The following TMEM151B variants were observed in gnomAD, a reference collection of about 807,000 sequenced individuals.
TMEM151B encodes the protein transmembrane protein 193.
A neutral mutation model predicts 33.0 loss-of-function variants in TMEM151B; 18 were observed. The observed-to-expected ratio is 0.55, with a 90% confidence interval of 0.38 to 0.81. The LOEUF is 0.81. Ranked by LOEUF, TMEM151B falls within the 30% of genes least tolerant of loss-of-function variation. The pLI, the probability that TMEM151B is intolerant of heterozygous loss-of-function variation, is 0.00. For synonymous variants in TMEM151B, 354 were observed against 373.6 expected (o/e 0.95, Z 0.61); for missense variants, 672 against 843.4 (o/e 0.80, Z 2.52).
chr6:44,275,959 G>C lies in TMEM151B; in HGVS notation c.1133G>C (p.Arg378Pro). The change falls in exon 3 of 3, where the codon CGC (arginine) becomes CCC (proline). Residue 378 changes from arginine (R) to proline (P), a missense_variant. Arg to Pro is a moderately radical substitution (Grantham distance 103, BLOSUM62 -2). Transcript: ENST00000451188. Reference sequence around the variant, plus strand: ...AGCACGGAGCTCGAGTGGCACATCCGCTCCAACCAGCAGCTGGTGCCCAGC... The same window carrying C: ...AGCACGGAGCTCGAGTGGCACATCCCCTCCAACCAGCAGCTGGTGCCCAGC... The part of the protein sequence containing the change: ...VDSTELEWHI[R>P]SNQQLVPSYS... The C allele has an allele frequency of 6.8e-7, 1 of 1,467,302 alleles. No homozygotes were observed. The highest frequency in any genetic ancestry group is 2.5e-5 in the East Asian group (1 of 39,422). The allele number at this position is 1,467,302 out of a possible 1,614,324, so 90.9% of individuals were successfully genotyped here. A position where few individuals can be genotyped will look rare whatever the true frequency, so the allele number is the denominator to read the frequency against.
At chr6:44,271,345 T>C (rs1486939414) in intron 1 of TMEM151B, among the ~76,000 whole-genome samples, 1 of 96,740 alleles carries the variant, frequency 1.0e-5, no homozygotes, top group African/African-American at 4.4e-5. Context: ...CCTGTGGTCA[T>C]TGGGAGTGTG....
In TMEM151B at chr6:44,276,061, C is replaced by G. The variant is rs939429430; in HGVS notation, c.1235C>G (p.Ser412Trp). Residue 412 changes from serine to tryptophan, a missense_variant, in exon 3 of 3, where the codon TCG becomes TGG. Physicochemically the swap from Ser to Trp is radical, Grantham distance 177. Coordinates refer to ENST00000451188, the MANE Select transcript of TMEM151B (RefSeq NM_001137560.2). ...CGGAGGGYAP[S>W]CRYGGVGGPG... ...GGGGCAGGCGGCGGCTACGCGCCCT[C>G]GTGCCGCTACGGTGGGGTAGGCGGC... The G allele has an allele frequency of 7.5e-7, 1 of 1,340,946 alleles. No individual in the cohort carries two copies. Among genetic ancestry groups the G allele is most frequent in the East Asian group, 3.0e-5 (1 of 32,974 alleles). The allele number at this position is 1,340,946 out of a possible 1,614,324, so 83.1% of individuals were successfully genotyped here.
chr6:44,276,763 C>T lies in TMEM151B; in HGVS notation c.*236C>T. ...CTCCCCGAGATCCCCCTGGCAGAGTCATTCTTCCAGCCCCAACCCTGAGTT... is the reference window on the plus strand; with the variant it reads ...CTCCCCGAGATCCCCCTGGCAGAGTTATTCTTCCAGCCCCAACCCTGAGTT... On this transcript the variant is annotated 3_prime_UTR_variant, in exon 3 of 3. Transcript: ENST00000451188. The T allele has an allele frequency of 1.2e-6, 1 of 829,984 alleles. No homozygotes were observed. Among genetic ancestry groups the T allele is most frequent in the Non-Finnish European group, 1.6e-6 (1 of 624,466 alleles). 51.4% of individuals were successfully genotyped at this position (829,984 alleles called of 1,614,324 possible). A position where few individuals can be genotyped will look rare whatever the true frequency, so the allele number is the denominator to read the frequency against.
intron 1 of TMEM151B, among the ~76,000 whole-genome samples, chr6:44,271,128 C>T (rs1340821477): frequency 2.0e-5 from 3 of 151,442 alleles, no homozygotes; most frequent in Non-Finnish European, 3.0e-5. Context: ...GGCGGAGCCT[C>T]GCGGATCCTG....
At chr6:44,271,658 C>T (rs1782361506) in intron 1 of TMEM151B, among the ~76,000 whole-genome samples, 1 of 152,122 alleles carries the variant, frequency 6.6e-6, no homozygotes, top group South Asian at 2.1e-4. Context: ...TATGTTCATA[C>T]CTCCTAAGGA....
Position 44,275,972 on chromosome 6 carries a change from G to C in TMEM151B, c.1146G>C (p.Gln382His). ...AGTGGCACATCCGCTCCAACCAGCAGCTGGTGCCCAGCTACTCTGAGGCGG... is the reference window on the plus strand; with the variant it reads ...AGTGGCACATCCGCTCCAACCAGCACCTGGTGCCCAGCTACTCTGAGGCGG... ...ELEWHIRSNQ[Q>H]LVPSYSEAVL... The change falls in exon 3 of 3, where the codon CAG becomes CAC. Residue 382 changes from glutamine to histidine, a missense_variant. By Grantham distance (24) the Gln-to-His change is conservative. Transcript: ENST00000451188. 6.9e-7 allele frequency: 1 copy of C among 1,459,516 alleles called. No individual in the cohort carries two copies. Among genetic ancestry groups the C allele is most frequent in the Non-Finnish European group, 9.1e-7 (1 of 1,102,184 alleles). The allele number at this position is 1,459,516 out of a possible 1,614,324, so 90.4% of individuals were successfully genotyped here. A position where few individuals can be genotyped will look rare whatever the true frequency, so the allele number is the denominator to read the frequency against.
chr6:44,273,595 A>G (rs547713713), intron 2 of TMEM151B, 89 bp downstream of exon 2: 1 of 1,378,270 alleles, frequency 7.3e-7, no homozygotes, highest in East Asian at 2.5e-5. Flanking sequence ...CCTGGGGGGA[A>G]GGTGGGAGGA....
chr6:44,273,543 G>A, intron 2 of TMEM151B, 37 bp downstream of exon 2: 1 of 1,507,028 alleles, frequency 6.6e-7, no homozygotes. Context: ...CATTCAACAT[G>A]GGAGGTGGCA....
Position 44,276,580 on chromosome 6 carries a change from T to A in TMEM151B, c.*53T>A. The A allele has an allele frequency of 1.4e-5, 18 of 1,323,842 alleles. No homozygotes were observed. The highest frequency in any genetic ancestry group is 1.5e-5 in the Non-Finnish European group (16 of 1,036,180). 82.0% of individuals were successfully genotyped at this position (1,323,842 alleles called of 1,614,324 possible). A position where few individuals can be genotyped will look rare whatever the true frequency, so the allele number is the denominator to read the frequency against. On this transcript the variant is annotated 3_prime_UTR_variant, in exon 3 of 3. Transcript: ENST00000451188. ...TCCTCCCGCCTGCCCCTCGCCGGACTGTGCTCCCTCTGCGACGCAGGGCGA... is the reference window on the plus strand; with the variant it reads ...TCCTCCCGCCTGCCCCTCGCCGGACAGTGCTCCCTCTGCGACGCAGGGCGA...
rs1285663978 is a variant in TMEM151B, at chr6:44,275,510, G to A, written c.684G>A (p.Pro228=). The change falls in exon 3 of 3, where the codon CCG becomes CCA. Residue 228 remains proline, a synonymous_variant. Coordinates refer to ENST00000451188, the MANE Select transcript of TMEM151B (RefSeq NM_001137560.2). ...SKTLVGLEGA[P]ATRLRFTKCF... is the part of the protein sequence containing the mutation. ...CGCTGGTGGGGCTGGAGGGCGCGCC[G>A]GCCACGCGGCTGCGCTTCACCAAGT... 1.3e-6 allele frequency: 2 copies of A among 1,549,756 alleles called. No homozygotes were observed. The highest frequency in any genetic ancestry group is 2.4e-5 in the East Asian group (1 of 40,876).
At chr6:44,271,376 G>GAGGGGGT (rs1459303802) in intron 1 of TMEM151B, among the ~76,000 whole-genome samples, 2 of 130,324 alleles carry the variant, frequency 1.5e-5, no homozygotes, top group Admixed American at 7.6e-5. Flanking sequence ...TGTGGGGGGG[G>GAGGGGGT]GTGTGCACCT....
chr6:44,270,894 C>T lies in TMEM151B; in HGVS notation c.135+17C>T. 1 of 1,074,770 alleles carries T rather than the reference C, an allele frequency of 9.3e-7. No individual in the cohort carries two copies. Among genetic ancestry groups the T allele is most frequent in the Non-Finnish European group, 1.1e-6 (1 of 889,610 alleles). 66.6% of individuals were successfully genotyped at this position (1,074,770 alleles called of 1,614,324 possible). A position where few individuals can be genotyped will look rare whatever the true frequency, so the allele number is the denominator to read the frequency against. ...CGAGAGGAGGTGAGAGTCTAGGGCG[C>T]CCCTTCCCCGGGCGCGGCCGCAGCC... On this transcript the variant is annotated intron_variant, in intron 1 of 2. Transcript: ENST00000451188.
intron 2 of TMEM151B, among the ~76,000 whole-genome samples, chr6:44,275,117 C>CAAAAA (rs55699643): frequency 8.1e-5 from 9 of 111,798 alleles, no homozygotes; most frequent in African/African-American, 2.5e-4. Context: ...GACTCCATCT[C>CAAAAA]AAAAAAAAAA....
At chr6:44,271,826 C>T (rs909514178) in intron 1 of TMEM151B, among the ~76,000 whole-genome samples, 1 of 151,628 alleles carries the variant, frequency 6.6e-6, no homozygotes, top group African/African-American at 2.4e-5. Context: ...TCCTGGCTGG[C>T]CTCTAGGTCA....
chr6:44,276,397 C>T lies in TMEM151B; in HGVS notation c.1571C>T (p.Ala524Val), dbSNP rs1224688936. ...GDDEDDDEEE[A>V]GPPPPYHDAL... ...GACGAGGACGACGACGAGGAGGAGG[C>T]CGGGCCGCCGCCGCCCTACCACGAC... Residue 524 changes from alanine (A) to valine (V), a missense_variant, in exon 3 of 3, where the codon GCC (alanine) becomes GTC (valine). Physicochemically the swap from Ala to Val is moderately conservative, Grantham distance 64. Around this residue, in one of 3 missense-constraint regions of TMEM151B, gnomAD observed 324 missense variants for 363.1 expected, o/e 0.89. Transcript: ENST00000451188. 6.6e-7 allele frequency: 1 copy of T among 1,514,986 alleles called. No individual in the cohort carries two copies. The allele number at this position is 1,514,986 out of a possible 1,614,324, so 93.8% of individuals were successfully genotyped here.
intron 2 of TMEM151B, among the ~76,000 whole-genome samples, chr6:44,274,908 A>G (rs941348372): frequency 2.6e-5 from 4 of 151,894 alleles, no homozygotes; most frequent in Admixed American, 2.6e-4. Context: ...CACGAGGTCA[A>G]GAGATCGAGA....
Position 44,270,643 on chromosome 6 carries a change from C to A in TMEM151B, c.-100C>A. ...GGCGGGGGGTGGGGAGCAGCGAGGG[C>A]CCCGCCCCCTCCCGTCCTCTCCCCA... is the stretch of plus-strand genomic sequence containing the variant. On this transcript the variant is annotated 5_prime_UTR_variant, in exon 1 of 3. Coordinates refer to ENST00000451188, the MANE Select transcript of TMEM151B (RefSeq NM_001137560.2). 5.3e-6 allele frequency: 1 copy of A among 190,472 alleles called. No homozygotes were observed. Among genetic ancestry groups the A allele is most frequent in the Non-Finnish European group, 1.0e-5 (1 of 96,310 alleles). The allele number at this position is 190,472 out of a possible 1,614,324, so 11.8% of individuals were successfully genotyped here.
intron 1 of TMEM151B, among the ~76,000 whole-genome samples, 153 bp downstream of exon 1, chr6:44,271,030 C>G (rs1782314058): frequency 6.7e-6 from 1 of 149,264 alleles, no homozygotes; most frequent in Admixed American, 6.7e-5. Context: ...GCCGCCCCCA[C>G]CCGGCGGCCG....
rs1234261043 is a variant in TMEM151B, at chr6:44,278,648, T to A, written c.*2121T>A. On this transcript the variant is annotated 3_prime_UTR_variant, in exon 3 of 3. Coordinates refer to ENST00000451188, the MANE Select transcript of TMEM151B (RefSeq NM_001137560.2). ...GGGGAAGGGGGACCTCTATTATTATTTTTGCCTGTATTGACCATTTCTGCC... is the reference window on the plus strand; with the variant it reads ...GGGGAAGGGGGACCTCTATTATTATATTTGCCTGTATTGACCATTTCTGCC... The A allele has an allele frequency of 6.6e-6, 1 of 152,112 alleles. No homozygotes were observed. The highest frequency in any genetic ancestry group is 1.5e-5 in the Non-Finnish European group (1 of 68,032). 9.4% of individuals were successfully genotyped at this position (152,112 alleles called of 1,614,324 possible). A position where few individuals can be genotyped will look rare whatever the true frequency, so the allele number is the denominator to read the frequency against.
Sources: gnomAD v4.1 joint callset for allele counts (sites outside exome capture counted in the v4.1 genomes callset) on GRCh38, gnomAD v4.1.1 for gene constraint, gnomAD v4.1.1 regional missense constraint, MANE v1.5 for transcripts, NCBI Gene and HGNC (gene_info 2026-07-23, HGNC 2026-07-21) for gene names.